Variants in KIAA1217 observed in about 807,000 individuals in gnomAD.
KIAA1217 encodes KIAA1217.
In KIAA1217, 88 loss-of-function variants were observed where a neutral mutation model predicts 163.9. That is an observed-to-expected ratio of 0.54 (90% confidence interval 0.45 to 0.64). The LOEUF is 0.64. Ranked by LOEUF, KIAA1217 falls within the 30% of genes least tolerant of loss-of-function variation. The pLI is 0.00. For missense variants in KIAA1217, 2,372 were observed against 2,475.0 expected, an observed-to-expected ratio of 0.96 and a Z score of 0.88; for synonymous variants, 903 against 923.1, an observed-to-expected ratio of 0.98 and a Z score of 0.39.
At chr10:23,860,865 T>C (rs957965893) in intron 1 of KIAA1217, among the ~76,000 whole-genome samples, 2 of 151,934 alleles carry the variant, frequency 1.3e-5, no homozygotes, top group African/African-American at 4.8e-5. Context: ...TGTTTTCTCA[T>C]CTTTTCTCCT....
chr10:24,133,537 A>C lies in KIAA1217; in HGVS notation c.-170-86089A>C, dbSNP rs959010620. Among the ~76,000 whole-genome samples the C allele has an allele frequency of 4.8e-5, 7 of 146,402 alleles. No individual in the cohort carries two copies. The South Asian group carries it at 1.5e-3, about 32-fold the overall frequency. The stretch of plus-strand genomic sequence containing the variant: ...CAGTGAGCCAAGACTGCACTATTAC[A>C]CTCCAGCCTGGGCGACAGAGCGAGA... On this transcript the variant is annotated intron_variant, in intron 2 of 18. Coordinates refer to the KIAA1217 transcript ENST00000376462.
At chr10:24,033,212 G>T (rs985029761) in intron 2 of KIAA1217, among the ~76,000 whole-genome samples, 2 of 152,052 alleles carry the variant, frequency 1.3e-5, no homozygotes, top group African/African-American at 4.8e-5. Context: ...CTTTTTAAAG[G>T]GTTCTTAGAA....
At chr10:24,398,731 A>G (rs1340265221) in intron 3 of KIAA1217, among the ~76,000 whole-genome samples, 1 of 152,100 alleles carries the variant, frequency 6.6e-6, no homozygotes, top group Non-Finnish European at 1.5e-5. Context: ...TTAAGAGTTG[A>G]GCGTGCACAG....
intron 11 of KIAA1217, among the ~76,000 whole-genome samples, chr10:24,520,735 A>G (rs1262260398): frequency 6.9e-6 from 1 of 144,794 alleles, no homozygotes; most frequent in Non-Finnish European, 1.5e-5. Flanking sequence ...GGTACCAGCT[A>G]CTTAGGAGGC....
chr10:24,525,896 G>A (rs950870866), intron 13 of KIAA1217, among the ~76,000 whole-genome samples: 1 of 152,130 alleles, frequency 6.6e-6, no homozygotes, highest in African/African-American at 2.4e-5. Context: ...GGGTTGAGGT[G>A]GGTGGATCAC....
At chr10:24,077,506 T>C (rs10828596) in intron 2 of KIAA1217, among the ~76,000 whole-genome samples, 16,398 of 152,260 alleles carry the variant, frequency 0.11, 1,389 homozygotes, top group African/African-American at 0.24. Context: ...GCAAAGGACA[T>C]GATCTCATTC....
intron 2 of KIAA1217, among the ~76,000 whole-genome samples, chr10:24,193,528 C>A (rs555935820): frequency 1.2e-4 from 18 of 152,356 alleles, no homozygotes; most frequent in Admixed American, 3.9e-4. Context: ...TCATCTTCCC[C>A]ATGGTCAGGT....
intron 2 of KIAA1217, among the ~76,000 whole-genome samples, chr10:24,114,306 A>C (rs1222996649): frequency 6.6e-6 from 1 of 152,146 alleles, no homozygotes; most frequent in Non-Finnish European, 1.5e-5. Context: ...TAACCTGCAC[A>C]TTGTGCACAT....
chr10:23,738,079 C>G (rs1838911899), intron 1 of KIAA1217, among the ~76,000 whole-genome samples: 1 of 152,028 alleles, frequency 6.6e-6, no homozygotes, highest in African/African-American at 2.4e-5. Flanking sequence ...GCATAATACT[C>G]TGCCTTGTTT....
In KIAA1217 at chr10:23,901,616, C is replaced by T. The variant is rs930995976; in HGVS notation, c.-320-105609C>T. On this transcript the variant is annotated intron_variant, in intron 1 of 18. Coordinates refer to the KIAA1217 transcript ENST00000376462. ...TACCATATCATTAATCAGCTAAGAA[C>T]TGAAATATTTGGCTAGGCATGGCGG... Among the ~76,000 whole-genome samples, 4 of 151,988 alleles carry T rather than the reference C, an allele frequency of 2.6e-5. No individual in the cohort carries two copies. In the East Asian group the frequency reaches 7.8e-4, roughly 30 times the overall value.
intron 1 of KIAA1217, among the ~76,000 whole-genome samples, chr10:23,782,452 G>C (rs1835300188): frequency 1.3e-5 from 2 of 152,150 alleles, no homozygotes; most frequent in Non-Finnish European, 2.9e-5. Flanking sequence ...TTTATTTAGA[G>C]ACAGAGTCTA....
At chr10:24,400,883 A>G (rs1474581550) in intron 3 of KIAA1217, among the ~76,000 whole-genome samples, 1 of 151,804 alleles carries the variant, frequency 6.6e-6, no homozygotes, top group Non-Finnish European at 1.5e-5. Flanking sequence ...ATGAGAGAAT[A>G]GATGAGAATT....
At chr10:24,000,805 G>A (rs1261190495) in intron 1 of KIAA1217, among the ~76,000 whole-genome samples, 1 of 152,238 alleles carries the variant, frequency 6.6e-6, no homozygotes, top group East Asian at 1.9e-4. Flanking sequence ...ACAAATTGGG[G>A]CTTCACCCCA....
At chr10:24,168,248 A>G (rs1283274140) in intron 2 of KIAA1217, among the ~76,000 whole-genome samples, 1 of 152,136 alleles carries the variant, frequency 6.6e-6, no homozygotes, top group Non-Finnish European at 1.5e-5. Context: ...TCTAGATGTC[A>G]GGTCATAGAG....
chr10:23,922,452 T>A (rs2131294554), intron 1 of KIAA1217, among the ~76,000 whole-genome samples: 1 of 152,350 alleles, frequency 6.6e-6, no homozygotes, highest in East Asian at 1.9e-4. Flanking sequence ...CATTTGGTAA[T>A]CAAGTCAGAC....
intron 3 of KIAA1217, among the ~76,000 whole-genome samples, chr10:24,415,975 A>AG (rs1166194976): frequency 1.3e-5 from 2 of 152,172 alleles, no homozygotes; most frequent in African/African-American, 4.8e-5. Flanking sequence ...GCAGAGAGCC[A>AG]GGGACTAGCC....
chr10:24,392,323 A>C (rs894314032), intron 3 of KIAA1217, among the ~76,000 whole-genome samples: 5 of 152,180 alleles, frequency 3.3e-5, no homozygotes, highest in African/African-American at 1.2e-4. Flanking sequence ...TCTACTAAGC[A>C]GTTATATATC....
intron 2 of KIAA1217, among the ~76,000 whole-genome samples, chr10:24,245,369 G>T (rs181269025): frequency 4.3e-4 from 65 of 152,316 alleles, no homozygotes; most frequent in African/African-American, 1.5e-3. Context: ...ATACAAGATG[G>T]AGAGAGCAGA....
intron 3 of KIAA1217, among the ~76,000 whole-genome samples, chr10:24,390,098 A>G (rs1261305622): frequency 6.6e-6 from 1 of 152,148 alleles, no homozygotes; most frequent in Non-Finnish European, 1.5e-5. Context: ...AAGCCATTTA[A>G]TAAATCCATT....
Sources: allele counts gnomAD v4.1 joint callset (sites outside exome capture counted in the v4.1 genomes callset), GRCh38; gene constraint gnomAD v4.1.1; transcripts MANE v1.5; gene names NCBI Gene and HGNC (gene_info 2026-07-23, HGNC 2026-07-21).